Variants in PDE11A observed in about 807,000 individuals in gnomAD.
The protein encoded by PDE11A is phosphodiesterase 11A, also known as dual 3',5'-cyclic-AMP and -GMP phosphodiesterase 11A.
Under a neutral mutation model 100.5 loss-of-function variants are expected in PDE11A, and 100 were observed. That is an observed-to-expected ratio of 1.00 (90% CI 0.85 to 1.18). The LOEUF is 1.18. Among genes scored for constraint, PDE11A ranks in the 50% most tolerant of loss-of-function variants. The pLI is 0.00. For synonymous variants in PDE11A, 381 were observed against 420.8 expected, an observed-to-expected ratio of 0.91 and a Z score of 1.16; for missense variants, 1,141 against 1,152.6, an observed-to-expected ratio of 0.99 and a Z score of 0.15.
chr2:178,065,083 C>A (rs2087026993), intron 1 of PDE11A, among the ~76,000 whole-genome samples: 1 of 152,032 alleles, frequency 6.6e-6, no homozygotes, highest in Admixed American at 6.6e-5. Flanking sequence ...TATAAATGAC[C>A]AGGAACTGAA....
chr2:177,904,312 G>A (rs902464980), intron 3 of PDE11A, among the ~76,000 whole-genome samples: 2 of 152,006 alleles, frequency 1.3e-5, no homozygotes, highest in Non-Finnish European at 2.9e-5. Context: ...TTGCATTATT[G>A]TTCCAAGTAT....
At chr2:177,741,913 T>C (rs1268551695) in intron 10 of PDE11A, among the ~76,000 whole-genome samples, 1 of 151,948 alleles carries the variant, frequency 6.6e-6, no homozygotes, top group East Asian at 1.9e-4. Context: ...ACGCCTGCAG[T>C]CCCAGCTACT....
chr2:178,042,031 C>T (rs957235543), intron 1 of PDE11A, among the ~76,000 whole-genome samples: 3 of 152,208 alleles, frequency 2.0e-5, no homozygotes, highest in African/African-American at 7.2e-5. Context: ...GTAAACATTA[C>T]TATTCCTTTT....
upstream of PDE11A, chr2:178,073,034 C>G (rs2105874303): frequency 1.0e-6 from 1 of 985,374 alleles, no homozygotes; most frequent in African/African-American, 1.7e-5. Flanking sequence ...TCCCTTACCT[C>G]CCCAACCCTC....
intron 19 of PDE11A, among the ~76,000 whole-genome samples, chr2:177,632,871 G>A (rs748538752): frequency 6.6e-5 from 10 of 152,184 alleles, no homozygotes; most frequent in Non-Finnish European, 1.2e-4. Flanking sequence ...CCCATGGAGA[G>A]TAATCCAGTT....
chr2:177,711,667 C>T, intron 13 of PDE11A, 102 bp downstream of exon 13: 2 of 749,354 alleles, frequency 2.7e-6, no homozygotes, highest in South Asian at 1.5e-5. Flanking sequence ...TGGCCTTGGC[C>T]TCGGATGCCA....
At position 178,072,631 on chromosome 2, in the gene PDE11A, C is replaced by T; in HGVS notation, c.-194G>A. 6.7e-7 allele frequency: 1 copy of T among 1,482,192 alleles called. No homozygotes were observed. The allele number at this position is 1,482,192 out of a possible 1,614,324, so 91.8% of individuals were successfully genotyped here. On this transcript the variant is annotated 5_prime_UTR_variant, in exon 1 of 20. Coordinates refer to ENST00000286063, the MANE Select transcript of PDE11A (RefSeq NM_016953.4). Reference sequence around the variant, plus strand: ...TCTGGCTCAGAGTGGCTGGCGCCGACCCCACCCCGTGGTCCTGCTACTCCT... The same window carrying T: ...TCTGGCTCAGAGTGGCTGGCGCCGATCCCACCCCGTGGTCCTGCTACTCCT...
rs1393621256 is a variant in PDE11A, at chr2:177,625,851, G to A, written c.*3556C>T. 1 of 152,620 alleles carries A rather than the reference G, an allele frequency of 6.6e-6. No homozygotes were observed. The highest frequency in any genetic ancestry group is 1.5e-5 in the Non-Finnish European group (1 of 68,042). The allele number at this position is 152,620 out of a possible 1,614,324, so 9.5% of individuals were successfully genotyped here. On this transcript the variant is annotated 3_prime_UTR_variant, in exon 20 of 20. Transcript: ENST00000286063. ...CGCAAGAGTTCAACCTCTAACCTCT[G>A]GGGTTGTTGGCACCAGGAAGCTGCT...
chr2:177,668,109 G>A (rs539410792), intron 18 of PDE11A, among the ~76,000 whole-genome samples: 3 of 152,298 alleles, frequency 2.0e-5, no homozygotes, highest in African/African-American at 7.2e-5. Flanking sequence ...TTAGAGCTAT[G>A]TTTCTACCGC....
intron 9 of PDE11A, among the ~76,000 whole-genome samples, chr2:177,803,359 A>G (rs1023601256): frequency 6.6e-6 from 1 of 151,962 alleles, no homozygotes; most frequent in African/African-American, 2.4e-5. Flanking sequence ...ATGGATTCAC[A>G]GCTGAATTCT....
chr2:177,711,971 C>T (rs2081365663), intron 12 of PDE11A, 93 bp from the exon 13 acceptor site: 7 of 701,606 alleles, frequency 1.0e-5, no homozygotes, highest in Non-Finnish European at 1.8e-5. Context: ...TGTTTTCATA[C>T]CCACATCATT....
chr2:177,855,481 T>C (rs1354118472), intron 5 of PDE11A, among the ~76,000 whole-genome samples: 1 of 152,110 alleles, frequency 6.6e-6, no homozygotes, highest in African/African-American at 2.4e-5. Flanking sequence ...GCAAGATCTA[T>C]GGCTTTTTAA....
chr2:177,744,319 G>A (rs2081916578), intron 10 of PDE11A, among the ~76,000 whole-genome samples: 1 of 149,002 alleles, frequency 6.7e-6, no homozygotes, highest in African/African-American at 2.5e-5. Context: ...CAACCAGTTG[G>A]ACCTCTCTGA....
At chr2:177,853,680 A>ATGTGTGTGTGTGTGTG (rs1212022176) in intron 5 of PDE11A, among the ~76,000 whole-genome samples, 20 of 36,516 alleles carry the variant, frequency 5.5e-4, no homozygotes, top group South Asian at 2.4e-3. Flanking sequence ...ATATATATAT[A>ATGTGTGTGTGTGTGTG]TGTGTGTGTG....
chr2:177,997,378 T>C (rs1409137237), intron 2 of PDE11A: 2 of 829,672 alleles, frequency 2.4e-6, no homozygotes, highest in Non-Finnish European at 4.3e-6. Context: ...GTGGTGAACC[T>C]GAAGTTGTAT....
chr2:177,972,285 A>G (rs2105797992), intron 2 of PDE11A, among the ~76,000 whole-genome samples: 1 of 152,390 alleles, frequency 6.6e-6, no homozygotes, highest in African/African-American at 2.4e-5. Context: ...AGACAGGAAG[A>G]GAACAGTGAC....
At chr2:178,036,170 G>C (rs1328326516) in intron 1 of PDE11A, among the ~76,000 whole-genome samples, 1 of 152,178 alleles carries the variant, frequency 6.6e-6, no homozygotes, top group Non-Finnish European at 1.5e-5. Flanking sequence ...AGCAACTTCA[G>C]CAAAGTCTCA....
intron 1 of PDE11A, among the ~76,000 whole-genome samples, chr2:178,059,306 G>A (rs1278321743): frequency 6.6e-6 from 1 of 152,198 alleles, no homozygotes; most frequent in Non-Finnish European, 1.5e-5. Flanking sequence ...GGTAGGGAAA[G>A]GCCCTGGCCA....
intron 2 of PDE11A, among the ~76,000 whole-genome samples, chr2:178,078,837 T>C (rs2087247040): frequency 1.3e-5 from 2 of 152,208 alleles, no homozygotes; most frequent in African/African-American, 4.8e-5. Flanking sequence ...ATAATCAAGA[T>C]TGTTGAGTTA....
Sources: gnomAD v4.1 joint callset for allele counts (sites outside exome capture counted in the v4.1 genomes callset) on GRCh38, gnomAD v4.1.1 for gene constraint, MANE v1.5 for transcripts, NCBI Gene and HGNC (gene_info 2026-07-23, HGNC 2026-07-21) for gene names.